The following SHPRH variants were observed in gnomAD, a reference collection of about 807,000 sequenced individuals.
SHPRH encodes the protein SNF2 histone linker PHD RING helicase.
SHPRH carries 106 observed loss-of-function variants against 202.5 expected under a neutral mutation model. The observed-to-expected ratio is 0.52, with a 90% confidence interval of 0.45 to 0.62. The LOEUF (loss-of-function observed/expected upper bound fraction) is 0.62. Among genes scored for constraint, SHPRH ranks in the 20% least tolerant of loss-of-function variants. SHPRH has a pLI of 0.00. For missense variants in SHPRH, 1,710 were observed against 2,020.0 expected, an observed-to-expected ratio of 0.85 and a Z score of 2.94; for synonymous variants, 729 against 686.0, an observed-to-expected ratio of 1.06 and a Z score of -0.98.
intron 11 of SHPRH, among the ~76,000 whole-genome samples, chr6:145,936,539 C>T (rs1159231237): frequency 2.0e-5 from 3 of 151,906 alleles, no homozygotes; most frequent in Non-Finnish European, 4.4e-5. Flanking sequence ...GTTGCCCAGG[C>T]TGATCTTGAA....
Position 145,943,211 on chromosome 6 carries a change from T to A in SHPRH, c.2170A>T (p.Ser724Cys), listed in dbSNP as rs1334840595. 1 of 1,613,760 alleles carries A rather than the reference T, an allele frequency of 6.2e-7. No homozygotes were observed. The highest frequency in any genetic ancestry group is 1.1e-5 in the South Asian group (1 of 91,070). ...STRATLIISPSSICHQWVDEI... is the reference protein window; with the variant it reads ...STRATLIISPCSICHQWVDEI... ...TCCACCCACTGGTGACAGATGGAAC[T>A]TGGAGAGATGATCAGAGTTGCTCTT... is the stretch of plus-strand genomic sequence containing the variant. The change falls in exon 9 of 30, where the codon AGT becomes TGT. Residue 724 changes from serine (S) to cysteine (C), a missense_variant. Around this residue, in one of 8 missense-constraint regions of SHPRH, gnomAD observed 277 missense variants for 363.0 expected, o/e 0.76. Transcript: ENST00000275233.
chr6:145,942,804 C>T (rs1786935549), intron 9 of SHPRH, among the ~76,000 whole-genome samples: 2 of 152,034 alleles, frequency 1.3e-5, no homozygotes, highest in South Asian at 4.2e-4. Flanking sequence ...ATAAGTAGCT[C>T]CTATTACACA....
downstream of SHPRH, among the ~76,000 whole-genome samples, chr6:145,882,164 G>A (rs1780625580): frequency 6.6e-6 from 1 of 151,724 alleles, no homozygotes; most frequent in African/African-American, 2.4e-5. Context: ...ATTTTAAGAA[G>A]GAAACTTGCT....
intron 1 of SHPRH, among the ~76,000 whole-genome samples, chr6:145,957,025 T>C (rs1315543032): frequency 1.3e-5 from 2 of 152,090 alleles, no homozygotes; most frequent in African/African-American, 2.4e-5. Flanking sequence ...AATGGTGCAG[T>C]AGTGGTGTAA....
At chr6:145,895,504 G>C (rs1781934510) in intron 25 of SHPRH, among the ~76,000 whole-genome samples, 1 of 149,308 alleles carries the variant, frequency 6.7e-6, no homozygotes. Context: ...GAATGAGGCA[G>C]ATTCATACAA....
At chr6:145,925,734 C>T (rs533054344) in intron 16 of SHPRH, among the ~76,000 whole-genome samples, 132 of 151,938 alleles carry the variant, frequency 8.7e-4, no homozygotes, top group African/African-American at 3.0e-3. Flanking sequence ...TCACTCTTTT[C>T]GATGTCATTC....
rs1260716080 is a variant in SHPRH at position 145,950,395 on chromosome 6, T to C, written c.851A>G (p.His284Arg). 1.2e-6 allele frequency: 2 copies of C among 1,613,236 alleles called. No homozygotes were observed. The highest frequency in any genetic ancestry group is 8.5e-7 in the Non-Finnish European group (1 of 1,179,496). The change falls in exon 4 of 30, where the codon CAT (histidine) becomes CGT (arginine). Residue 284 changes from histidine to arginine, a missense_variant. Coordinates refer to ENST00000275233, the MANE Select transcript of SHPRH (RefSeq NM_001042683.3). ...DELYHFVKQT[H>R]QQETQSIQVD... ...TTGGATGGACTGCGTTTCTTGCTGA[T>C]GTGTTTGTTTCACAAAGTGATACAG...
chr6:145,953,443 C>T (rs9497437), intron 2 of SHPRH, among the ~76,000 whole-genome samples: 2,993 of 152,112 alleles, frequency 0.02, 69 homozygotes, highest in African/African-American at 0.065. Flanking sequence ...TAAATTGTTA[C>T]ATACTTGTTA....
Position 145,921,373 on chromosome 6 carries a change from T to C in SHPRH, c.3802A>G (p.Ile1268Val). The change falls in exon 21 of 30, where the codon ATA (isoleucine) becomes GTA (valine). Residue 1268 changes from isoleucine (I) to valine (V), a missense_variant. Transcript: ENST00000275233. Reference protein sequence around the residue: ...FSNTVKGQTAIFEEMIEDEEG... With the variant: ...FSNTVKGQTAVFEEMIEDEEG... ...TCATCTTCTATCATCTCCTCAAATA[T>C]TGCAGTCTGGCCTTTGACTCTGAAA... 3.1e-6 allele frequency: 5 copies of C among 1,612,466 alleles called. No individual in the cohort carries two copies. The highest frequency in any genetic ancestry group is 4.2e-6 in the Non-Finnish European group (5 of 1,179,080).
chr6:145,883,789 T>C (rs1168927120), downstream of SHPRH: 10 of 152,214 alleles, frequency 6.6e-5, no homozygotes, highest in Admixed American at 5.9e-4. Context: ...ATTCATTTAA[T>C]TGGTTTACAC....
downstream of SHPRH, among the ~76,000 whole-genome samples, chr6:145,863,444 C>G (rs1339761603): frequency 6.6e-6 from 1 of 152,196 alleles, no homozygotes; most frequent in Non-Finnish European, 1.5e-5. Flanking sequence ...GTTTAAGTTG[C>G]ATAGCTCCTT....
intron 24 of SHPRH, among the ~76,000 whole-genome samples, chr6:145,912,198 G>A (rs1783553939): frequency 6.6e-6 from 1 of 151,868 alleles, no homozygotes; most frequent in Non-Finnish European, 1.5e-5. Flanking sequence ...GTACATATGG[G>A]TTAACTCTGA....
intron 28 of SHPRH, among the ~76,000 whole-genome samples, chr6:145,890,949 A>G (rs953106876): frequency 6.6e-6 from 1 of 152,154 alleles, no homozygotes; most frequent in East Asian, 1.9e-4. Flanking sequence ...TGCTACTGCC[A>G]TGGTCAGGTC....
At chr6:145,954,332 A>G (rs993656256) in intron 2 of SHPRH, among the ~76,000 whole-genome samples, 9 of 152,122 alleles carry the variant, frequency 5.9e-5, no homozygotes, top group Non-Finnish European at 1.3e-4. Context: ...TTCTGTAGGC[A>G]GTAATGGGTA....
rs1287945218 is a variant in SHPRH, at chr6:145,943,813, A to G, written c.1579-11T>C. The stretch of plus-strand genomic sequence containing the variant: ...TGGACTCCCTACTGCCTATGAAAAA[A>G]ATATTTAATTAATTGATTGCAACTA... On this transcript the variant is annotated splice_polypyrimidine_tract_variant and intron_variant, in intron 8 of 29. Transcript: ENST00000275233. The G allele has an allele frequency of 2.6e-6, 4 of 1,545,124 alleles. No homozygotes were observed. The highest frequency in any genetic ancestry group is 3.5e-6 in the Non-Finnish European group (4 of 1,153,256).
chr6:145,922,786 T>C lies in SHPRH; in HGVS notation c.3596A>G (p.Glu1199Gly). ...TACTAGCTTCTGGCATTTATTTAGC[T>C]CTTCCATTTGTGTTGTAAGTAAGAA... ...LQFLLTTQME[E>G]LNKCQKLVRE... The change falls in exon 19 of 30, where the codon GAG becomes GGG. Residue 1199 changes from glutamate to glycine, a missense_variant. Physicochemically the swap from Glu to Gly is moderately conservative, Grantham distance 98. This residue lies in a region of SHPRH where 288 missense variants were observed against 317.8 expected (regional missense o/e 0.91). Transcript: ENST00000275233. 1 of 1,612,070 alleles carries C rather than the reference T, an allele frequency of 6.2e-7. No individual in the cohort carries two copies. The highest frequency in any genetic ancestry group is 8.5e-7 in the Non-Finnish European group (1 of 1,178,756).
chr6:145,943,006 A>T, intron 9 of SHPRH, 137 bp downstream of exon 9: 2 of 1,025,342 alleles, frequency 2.0e-6, no homozygotes, highest in Non-Finnish European at 2.8e-6. Flanking sequence ...TTTTTTCTTT[A>T]AGCTTTGATT....
At chr6:145,951,544 T>C (rs1323508538) in intron 3 of SHPRH, among the ~76,000 whole-genome samples, 6 of 152,064 alleles carry the variant, frequency 3.9e-5, no homozygotes, top group Admixed American at 6.6e-5. Flanking sequence ...AATGAACAAA[T>C]TGTAATATTT....
At chr6:145,899,187 T>C (rs1369102130) in intron 25 of SHPRH, among the ~76,000 whole-genome samples, 1 of 151,826 alleles carries the variant, frequency 6.6e-6, no homozygotes, top group Non-Finnish European at 1.5e-5. Flanking sequence ...CAAAGAAAAA[T>C]AGGAAAAACA....
Sources: gnomAD v4.1 joint callset for allele counts (sites outside exome capture counted in the v4.1 genomes callset) on GRCh38, gnomAD v4.1.1 for gene constraint, gnomAD v4.1.1 regional missense constraint, MANE v1.5 for transcripts, NCBI Gene and HGNC (gene_info 2026-07-23, HGNC 2026-07-21) for gene names.